Variants in ABHD4 observed in about 807,000 individuals in gnomAD.
ABHD4 encodes the protein abhydrolase domain containing 4, N-acyl phospholipase B.
In ABHD4, 35 loss-of-function variants were observed where a neutral mutation model predicts 42.3. That is an observed-to-expected ratio of 0.83 (90% confidence interval 0.63 to 1.10). The LOEUF (loss-of-function observed/expected upper bound fraction) is 1.10. Ranked by LOEUF, ABHD4 falls within the 50% of genes least tolerant of loss-of-function variation. The probability of loss-of-function intolerance (pLI) is 0.00; values close to 1 mark genes in which losing one functional copy is unlikely to be tolerated. For synonymous variants in ABHD4, 169 were observed against 170.6 expected, an observed-to-expected ratio of 0.99 and a Z score of 0.07; for missense variants, 389 against 454.8, an observed-to-expected ratio of 0.86 and a Z score of 1.32.
At chr14:22,610,596 G>C (rs2037403241) in intron 6 of ABHD4, among the ~76,000 whole-genome samples, 1 of 152,156 alleles carries the variant, frequency 6.6e-6, no homozygotes, top group African/African-American at 2.4e-5. Context: ...AGGTTTACTG[G>C]ACCTTTGGAT....
intron 1 of ABHD4, 90 bp from the exon 2 acceptor site, chr14:22,601,577 T>C: frequency 7.9e-7 from 1 of 1,270,366 alleles, no homozygotes; most frequent in Non-Finnish European, 1.1e-6. Context: ...CCCTGCTTCC[T>C]GAGAACTCTT....
chr14:22,607,186 G>T (rs751790515), intron 5 of ABHD4, among the ~76,000 whole-genome samples: 17 of 152,078 alleles, frequency 1.1e-4, no homozygotes, highest in South Asian at 2.1e-4. Context: ...GGAGATTTGG[G>T]GGTGTCTCGA....
chr14:22,609,123 G>A lies in ABHD4; in HGVS notation c.753-601G>A, dbSNP rs536174608. Among the ~76,000 whole-genome samples, 45 of 151,584 alleles carry A rather than the reference G, an allele frequency of 3.0e-4. No individual in the cohort carries two copies. The Middle Eastern group carries it at 0.01, about 35-fold the overall frequency. On this transcript the variant is annotated intron_variant, in intron 5 of 6. Coordinates refer to ENST00000428304, the MANE Select transcript of ABHD4 (RefSeq NM_022060.3). ...AGCAATTCTCCTACCTCAGCCTCCT[G>A]AGTAGCTGGGATTACAGAAGCGCAC...
chr14:22,600,375 T>G (rs2037268055), intron 1 of ABHD4, among the ~76,000 whole-genome samples: 1 of 152,232 alleles, frequency 6.6e-6, no homozygotes, highest in African/African-American at 2.4e-5. Context: ...GGGCTCTAGT[T>G]CTGGTTCTTT....
chr14:22,606,312 C>A (rs1456379883), intron 4 of ABHD4, 110 bp from the exon 5 acceptor site: 1 of 736,890 alleles, frequency 1.4e-6, no homozygotes, highest in South Asian at 1.6e-5. Context: ...AGCAAACAAA[C>A]CCTTAGGAGA....
At chr14:22,598,446 G>C in intron 1 of ABHD4, 117 bp downstream of exon 1, 1 of 1,543,492 alleles carries the variant, frequency 6.5e-7, no homozygotes, top group Admixed American at 2.0e-5. Context: ...TTTCCAGGTC[G>C]GCCTCCGGGG....
chr14:22,605,836 T>C lies in ABHD4; in HGVS notation c.641-586T>C, dbSNP rs1312772113. ...AGATCAGGGATCAGAAGTTGACCAG[T>C]AGACCTCATTTTTACAGTCTGTTGT... On this transcript the variant is annotated intron_variant, in intron 4 of 6. Transcript: ENST00000428304. 2.3e-6 allele frequency: 3 copies of C among 1,288,916 alleles called. No homozygotes were observed. The South Asian group carries it at 3.7e-5, about 16-fold the overall frequency. 79.8% of individuals were successfully genotyped at this position (1,288,916 alleles called of 1,614,324 possible).
Position 22,603,997 on chromosome 14 carries a change from A to C in ABHD4, c.558A>C (p.Ala186=), listed in dbSNP as rs771528181. The stretch of plus-strand genomic sequence containing the variant: ...CAACTAACCCCAGTGAGATCCGTGC[A>C]CCCCCAGCCTGGGTCAAAGCCGTGG... ...LRPTNPSEIR[A]PPAWVKAVAS... is the part of the protein sequence containing the mutation. The change falls in exon 4 of 7, where the codon GCA becomes GCC. Residue 186 remains alanine, a synonymous_variant. Transcript: ENST00000428304. 6.2e-6 allele frequency: 10 copies of C among 1,613,932 alleles called. No homozygotes were observed. Among genetic ancestry groups the C allele is most frequent in the Admixed American group, 5.0e-5 (3 of 59,982 alleles).
rs949004683 is a variant in ABHD4 at position 22,611,903 on chromosome 14, T to C, written c.*955T>C. 6.5e-6 allele frequency: 1 copy of C among 152,786 alleles called. No homozygotes were observed. Among genetic ancestry groups the C allele is most frequent in the Non-Finnish European group, 1.5e-5 (1 of 68,156 alleles). 9.5% of individuals were successfully genotyped at this position (152,786 alleles called of 1,614,324 possible). ...TGTAGTATAGAGCAAAGGTGGCTCCTGGTGAAGAGAGGGTGGAAAGGCCCT... is the reference window on the plus strand; with the variant it reads ...TGTAGTATAGAGCAAAGGTGGCTCCCGGTGAAGAGAGGGTGGAAAGGCCCT... On this transcript the variant is annotated 3_prime_UTR_variant, in exon 7 of 7. Transcript: ENST00000428304.
In ABHD4 at chr14:22,603,860, T is replaced by A. The variant is rs2037316317; in HGVS notation, c.486-65T>A. The A allele has an allele frequency of 1.9e-6, 3 of 1,596,916 alleles. No individual in the cohort carries two copies. The South Asian group carries it at 3.3e-5, about 18-fold the overall frequency. The stretch of plus-strand genomic sequence containing the variant: ...CAAACTTCTCTCATTCCCAGGCGAT[T>A]TAAGGGGCTATGGCAACTACCAGAG... On this transcript the variant is annotated intron_variant, in intron 3 of 6. Coordinates refer to ENST00000428304, the MANE Select transcript of ABHD4 (RefSeq NM_022060.3).
Position 22,606,475 on chromosome 14 carries a change from T to C in ABHD4, c.694T>C (p.Phe232Leu). Reference sequence around the variant, plus strand: ...GGACTTCAAACGCAAGTTTGCAGACTTCTTTGAAGATGATACCATATCAGA... The same window carrying C: ...GGACTTCAAACGCAAGTTTGCAGACCTCTTTGAAGATGATACCATATCAGA... ...RPDFKRKFAD[F>L]FEDDTISEYI... The change falls in exon 5 of 7, where the codon TTC becomes CTC. Residue 232 changes from phenylalanine (F) to leucine (L), a missense_variant. Coordinates refer to ENST00000428304, the MANE Select transcript of ABHD4 (RefSeq NM_022060.3). 1 of 1,613,760 alleles carries C rather than the reference T, an allele frequency of 6.2e-7. No individual in the cohort carries two copies. The highest frequency in any genetic ancestry group is 8.5e-7 in the Non-Finnish European group (1 of 1,179,894).
chr14:22,606,376 C>A, intron 4 of ABHD4, 46 bp from the exon 5 acceptor site: 1 of 1,350,796 alleles, frequency 7.4e-7, no homozygotes, highest in Non-Finnish European at 1.0e-6. Flanking sequence ...TCTTCCCTGC[C>A]CCACCTCCCA....
intron 4 of ABHD4, among the ~76,000 whole-genome samples, chr14:22,604,522 C>T (rs1566382756): frequency 6.6e-6 from 1 of 152,080 alleles, no homozygotes; most frequent in Non-Finnish European, 1.5e-5. Context: ...GCTGGGATTA[C>T]AGGCGTGAGC....
Position 22,603,409 on chromosome 14 carries a change from G to A in ABHD4, c.132G>A (p.Leu44=). Residue 44 remains leucine (L), a synonymous_variant, in exon 3 of 7, where the codon CTG becomes CTA. Transcript: ENST00000428304. ...RILQCLQNKF[L]ARYVSLPNQN... The stretch of plus-strand genomic sequence containing the variant: ...CCCCAGGTCTCCAGAATAAGTTCCT[G>A]GCCAGATATGTATCCCTCCCAAACC... 1.9e-6 allele frequency: 3 copies of A among 1,614,162 alleles called. No homozygotes were observed. The highest frequency in any genetic ancestry group is 1.6e-4 in the Middle Eastern group (1 of 6,062).
Position 22,611,302 on chromosome 14 carries a change from G to T in ABHD4, c.*354G>T. 1 of 238,594 alleles carries T rather than the reference G, an allele frequency of 4.2e-6. No homozygotes were observed. 14.8% of individuals were successfully genotyped at this position (238,594 alleles called of 1,614,324 possible). A position where few individuals can be genotyped will look rare whatever the true frequency, so the allele number is the denominator to read the frequency against. ...GCCTTTCTTCCTCTGGGCAAAGAAGGGCTTCCAGTGGCCTTTCCTCACTCT... is the reference window on the plus strand; with the variant it reads ...GCCTTTCTTCCTCTGGGCAAAGAAGTGCTTCCAGTGGCCTTTCCTCACTCT... On this transcript the variant is annotated 3_prime_UTR_variant, in exon 7 of 7. Transcript: ENST00000428304.
At position 22,612,856 on chromosome 14, in the gene ABHD4, G is replaced by T. The variant is rs573679697; in HGVS notation, c.*1908G>T. 6.6e-6 allele frequency: 1 copy of T among 152,276 alleles called. No individual in the cohort carries two copies. The highest frequency in any genetic ancestry group is 1.5e-5 in the Non-Finnish European group (1 of 68,034). The allele number at this position is 152,276 out of a possible 1,614,324, so 9.4% of individuals were successfully genotyped here. Reference sequence around the variant, plus strand: ...CTTTTGTAAAACTTATAAACTTGTGGTTACTTGTTTAGCGTCTCTTTCCTC... The same window carrying T: ...CTTTTGTAAAACTTATAAACTTGTGTTTACTTGTTTAGCGTCTCTTTCCTC... On this transcript the variant is annotated 3_prime_UTR_variant, in exon 7 of 7. Coordinates refer to ENST00000428304, the MANE Select transcript of ABHD4 (RefSeq NM_022060.3).
At position 22,611,293 on chromosome 14, in the gene ABHD4, G is replaced by A; in HGVS notation, c.*345G>A. ...CTCTCTGTGGCCTTTCTTCCTCTGG[G>A]CAAAGAAGGGCTTCCAGTGGCCTTT... is the stretch of plus-strand genomic sequence containing the variant. On this transcript the variant is annotated 3_prime_UTR_variant, in exon 7 of 7. Coordinates refer to ENST00000428304, the MANE Select transcript of ABHD4 (RefSeq NM_022060.3). 1 of 245,186 alleles carries A rather than the reference G, an allele frequency of 4.1e-6. No homozygotes were observed. The highest frequency in any genetic ancestry group is 8.2e-6 in the Non-Finnish European group (1 of 122,348). 15.2% of individuals were successfully genotyped at this position (245,186 alleles called of 1,614,324 possible).
In ABHD4 at chr14:22,603,773, G is replaced by C. The variant is rs966157476; in HGVS notation, c.485+11G>C. ...CAAGTACCCTGATAGGTAATAAGGA[G>C]ATGGCTCCATCCCTCGTGACCTAAT... On this transcript the variant is annotated intron_variant, in intron 3 of 6. Coordinates refer to ENST00000428304, the MANE Select transcript of ABHD4 (RefSeq NM_022060.3). 4.5e-6 allele frequency: 7 copies of C among 1,566,494 alleles called. No homozygotes were observed. In the Admixed American group the frequency reaches 1.3e-4, roughly 28 times the overall value.
At chr14:22,605,868 TA>T (rs2037343566) in intron 4 of ABHD4, 1 of 1,277,570 alleles carries the variant, frequency 7.8e-7, no homozygotes, top group South Asian at 1.2e-5. Flanking sequence ...TTGTTGCATG[TA>T]TGTATACCAT....
Sources: gnomAD v4.1 joint callset for allele counts (sites outside exome capture counted in the v4.1 genomes callset) on GRCh38, gnomAD v4.1.1 for gene constraint, MANE v1.5 for transcripts, NCBI Gene and HGNC (gene_info 2026-07-23, HGNC 2026-07-21) for gene names.